The following LRRC20 variants were observed in gnomAD, a reference collection of about 807,000 sequenced individuals.
LRRC20 encodes leucine-rich repeat-containing protein 20.
A neutral mutation model predicts 14.4 loss-of-function variants in LRRC20; 11 were observed. That is an observed-to-expected ratio of 0.77 (90% CI 0.48 to 1.27). LRRC20 has a LOEUF of 1.27. Ranked by LOEUF, LRRC20 falls within the 50% of genes most tolerant of loss-of-function variation. The probability of loss-of-function intolerance (pLI) is 0.00; values close to 1 mark genes in which losing one functional copy is unlikely to be tolerated. For missense variants in LRRC20, 219 were observed against 251.2 expected, an observed-to-expected ratio of 0.87 and a Z score of 0.87; for synonymous variants, 121 against 107.3, an observed-to-expected ratio of 1.13 and a Z score of -0.79.
At chr10:70,345,543 A>C (rs1843043850) in intron 2 of LRRC20, among the ~76,000 whole-genome samples, 1 of 152,182 alleles carries the variant, frequency 6.6e-6, no homozygotes, top group Non-Finnish European at 1.5e-5. Context: ...AATAGGATGC[A>C]TACAGAGTCA....
At chr10:70,377,143 C>G (rs567724597) in intron 1 of LRRC20, among the ~76,000 whole-genome samples, 1 of 152,340 alleles carries the variant, frequency 6.6e-6, no homozygotes, top group East Asian at 1.9e-4. Flanking sequence ...TCAGAACACA[C>G]GGACTGGCGG....
chr10:70,301,361 A>G lies in LRRC20; in HGVS notation c.548T>C (p.Leu183Pro), dbSNP rs753434187. 6.2e-7 allele frequency: 1 copy of G among 1,612,170 alleles called. No individual in the cohort carries two copies. The highest frequency in any genetic ancestry group is 8.5e-7 in the Non-Finnish European group (1 of 1,179,584). The change falls in exon 5 of 5, where the codon CTA becomes CCA. Residue 183 changes from leucine (L) to proline (P), a missense_variant. Leu to Pro is a moderately conservative substitution (Grantham distance 98). Coordinates refer to ENST00000446961, the MANE Select transcript of LRRC20 (RefSeq NM_001278212.2). ...LMSPEGARAP[L>P]P is the part of the protein sequence containing the mutation. Reference sequence around the variant, plus strand: ...GGGCATGAGGAGGGTGGCCTAAGGTAGGGGGGCTCTTGCGCCTTCCGGAGA... The same window carrying G: ...GGGCATGAGGAGGGTGGCCTAAGGTGGGGGGGCTCTTGCGCCTTCCGGAGA...
intron 3 of LRRC20, among the ~76,000 whole-genome samples, chr10:70,337,857 C>G (rs928146501): frequency 6.6e-6 from 1 of 152,164 alleles, no homozygotes; most frequent in Non-Finnish European, 1.5e-5. Context: ...GTCTGGGAGA[C>G]GCAGGTGTTC....
intron 2 of LRRC20, among the ~76,000 whole-genome samples, chr10:70,349,008 C>T (rs1339212903): frequency 6.6e-6 from 1 of 151,896 alleles, no homozygotes; most frequent in Non-Finnish European, 1.5e-5. Context: ...GGGGCCAGGT[C>T]CCACTAGGGA....
intron 4 of LRRC20, 149 bp from the exon 5 acceptor site, chr10:70,301,657 C>G: frequency 1.1e-6 from 1 of 892,390 alleles, no homozygotes; most frequent in East Asian, 2.6e-5. Context: ...GGTGCCCAGC[C>G]CTGTGCAAAG....
chr10:70,331,239 C>T (rs1842526550), intron 3 of LRRC20, among the ~76,000 whole-genome samples: 1 of 152,180 alleles, frequency 6.6e-6, no homozygotes, highest in Admixed American at 6.5e-5. Flanking sequence ...TTGCATGCAC[C>T]AAACCCTACA....
intron 3 of LRRC20, among the ~76,000 whole-genome samples, chr10:70,337,467 G>T (rs921702014): frequency 6.6e-6 from 1 of 152,224 alleles, no homozygotes; most frequent in Non-Finnish European, 1.5e-5. Context: ...ACTGGCAGCA[G>T]AGAAGGAGTT....
At chr10:70,336,013 C>T (rs1468125379) in intron 3 of LRRC20, among the ~76,000 whole-genome samples, 1 of 152,172 alleles carries the variant, frequency 6.6e-6, no homozygotes, top group Non-Finnish European at 1.5e-5. Flanking sequence ...TGCTCATAAA[C>T]CTGCCTCCCC....
chr10:70,324,151 C>T, intron 3 of LRRC20, 121 bp from the exon 4 acceptor site: 1 of 848,624 alleles, frequency 1.2e-6, no homozygotes, highest in Non-Finnish European at 1.9e-6. Context: ...AAGCCCTAGG[C>T]CACAGAGGGA....
At chr10:70,360,872 A>C (rs1225236926) in intron 2 of LRRC20, among the ~76,000 whole-genome samples, 1 of 152,108 alleles carries the variant, frequency 6.6e-6, no homozygotes, top group Non-Finnish European at 1.5e-5. Context: ...GGTCCCACTG[A>C]AATGGGTGGC....
intron 2 of LRRC20, among the ~76,000 whole-genome samples, chr10:70,354,941 C>T (rs986271488): frequency 1.3e-5 from 2 of 152,280 alleles, no homozygotes; most frequent in African/African-American, 2.4e-5. Flanking sequence ...AGAGACACTA[C>T]TTCTTCATGG....
chr10:70,330,074 A>G (rs1461588565), intron 3 of LRRC20, among the ~76,000 whole-genome samples: 2 of 152,100 alleles, frequency 1.3e-5, no homozygotes, highest in Admixed American at 1.3e-4. Context: ...CACATTTTTT[A>G]TACTGTCTTT....
At chr10:70,313,433 G>A (rs1242428444) in intron 4 of LRRC20, among the ~76,000 whole-genome samples, 1 of 152,028 alleles carries the variant, frequency 6.6e-6, no homozygotes, top group Non-Finnish European at 1.5e-5. Context: ...CAGAAGTTCT[G>A]GCCTAGCTCA....
intron 2 of LRRC20, among the ~76,000 whole-genome samples, chr10:70,361,909 G>A (rs1384697960): frequency 3.9e-5 from 6 of 152,294 alleles, no homozygotes; most frequent in South Asian, 2.1e-4. Context: ...AATTCAGGCC[G>A]GGCATGGTGG....
intron 2 of LRRC20, among the ~76,000 whole-genome samples, chr10:70,360,151 T>C (rs1417031883): frequency 6.6e-6 from 1 of 152,068 alleles, no homozygotes; most frequent in Non-Finnish European, 1.5e-5. Flanking sequence ...CCTGACCTCA[T>C]GATCCACCCG....
intron 2 of LRRC20, among the ~76,000 whole-genome samples, chr10:70,362,282 G>A (rs1240188191): frequency 1.3e-5 from 2 of 152,244 alleles, no homozygotes; most frequent in Admixed American, 6.5e-5. Flanking sequence ...GGAACAGTAT[G>A]TGCAAAGGCC....
chr10:70,303,176 T>C (rs1841281826), intron 4 of LRRC20, among the ~76,000 whole-genome samples: 1 of 152,228 alleles, frequency 6.6e-6, no homozygotes, highest in South Asian at 2.1e-4. Flanking sequence ...CAAAGACTAT[T>C]ATGTGCATAA....
At chr10:70,324,434 A>G (rs1287049288) in intron 3 of LRRC20, among the ~76,000 whole-genome samples, 1 of 152,186 alleles carries the variant, frequency 6.6e-6, no homozygotes, top group East Asian at 1.9e-4. Context: ...TTTAGGGGAC[A>G]CCACTCTCCA....
chr10:70,322,202 T>C (rs1019937386), intron 4 of LRRC20, among the ~76,000 whole-genome samples: 2 of 152,182 alleles, frequency 1.3e-5, no homozygotes, highest in African/African-American at 4.8e-5. Context: ...GAGAGGGCGC[T>C]GAGATTCACA....
Sources: gnomAD v4.1 joint callset for allele counts (sites outside exome capture counted in the v4.1 genomes callset) on GRCh38, gnomAD v4.1.1 for gene constraint, MANE v1.5 for transcripts, NCBI Gene and HGNC (gene_info 2026-07-23, HGNC 2026-07-21) for gene names.